PIK3AP1: variants seen among roughly 807,000 people sequenced by gnomAD.
The protein encoded by PIK3AP1 is phosphoinositide 3-kinase adapter protein 1.
In PIK3AP1, 21 loss-of-function variants were observed where a neutral mutation model predicts 88.1. The observed-to-expected ratio is 0.24, with a 90% CI of 0.17 to 0.34. PIK3AP1 has a LOEUF of 0.34. Ranked by LOEUF, PIK3AP1 falls within the 10% of genes least tolerant of loss-of-function variation. PIK3AP1 has a pLI of 1.00. For synonymous variants in PIK3AP1, 398 were observed against 400.0 expected (o/e 1.00, Z 0.06); for missense variants, 828 against 1,035.7 (o/e 0.80, Z 2.75).
Position 96,612,513 on chromosome 10 carries a change from A to G in PIK3AP1, c.2015-2646T>C, listed in dbSNP as rs189124006. On this transcript the variant is annotated intron_variant, in intron 13 of 16. Transcript: ENST00000339364. Reference sequence around the variant, plus strand: ...TAGAAAAGATCCTTTAAGCACAAACATTATTCATCAACCCTAATTTTCCTA... The same window carrying G: ...TAGAAAAGATCCTTTAAGCACAAACGTTATTCATCAACCCTAATTTTCCTA... 5.2e-4 allele frequency among the ~76,000 whole-genome samples: 79 copies of G among 152,324 alleles called. No homozygotes were observed. In the East Asian group the frequency reaches 0.015, roughly 28 times the overall value.
chr10:96,702,614 CCACACACACA>C (rs3035892), intron 2 of PIK3AP1, among the ~76,000 whole-genome samples: 10 of 145,078 alleles, frequency 6.9e-5, no homozygotes, highest in South Asian at 2.2e-4. Flanking sequence ...AGTGTTCTCA[CCACACACACA>C]CACACACACA....
chr10:96,652,459 G>A (rs956149540), intron 4 of PIK3AP1, among the ~76,000 whole-genome samples: 12 of 152,048 alleles, frequency 7.9e-5, no homozygotes, highest in African/African-American at 2.7e-4. Context: ...TGTAGTCCCA[G>A]CTACTTGGGA....
At chr10:96,659,445 C>T (rs954117923) in intron 2 of PIK3AP1, among the ~76,000 whole-genome samples, 2 of 152,108 alleles carry the variant, frequency 1.3e-5, no homozygotes, top group Admixed American at 1.3e-4. Context: ...TCAACAAAGA[C>T]AAATCCTTTA....
At chr10:96,682,765 C>T (rs140348249) in intron 2 of PIK3AP1, among the ~76,000 whole-genome samples, 169 of 152,322 alleles carry the variant, frequency 1.1e-3, no homozygotes, top group African/African-American at 3.8e-3. Context: ...TACATTCAAT[C>T]ATCACCATAG....
chr10:96,642,462 AAAAG>A (rs1554957094), intron 8 of PIK3AP1, among the ~76,000 whole-genome samples: 1 of 99,960 alleles, frequency 1.0e-5, no homozygotes, highest in Non-Finnish European at 2.3e-5. Flanking sequence ...AAGAAAGAAA[AAAAG>A]AGAAAGAAAG....
At chr10:96,682,279 AT>A (rs940177162) in intron 2 of PIK3AP1, among the ~76,000 whole-genome samples, 10 of 150,278 alleles carry the variant, frequency 6.7e-5, no homozygotes, top group African/African-American at 1.5e-4. Flanking sequence ...TCCTCTGCTG[AT>A]TTTTTTTTTC....
intron 3 of PIK3AP1, 119 bp from the exon 4 acceptor site, chr10:96,652,961 G>T: frequency 8.3e-7 from 1 of 1,203,200 alleles, no homozygotes; most frequent in Non-Finnish European, 1.2e-6. Context: ...TCTGGGGACA[G>T]GGTGGACTCA....
chr10:96,672,496 A>C (rs1359006809), intron 2 of PIK3AP1, among the ~76,000 whole-genome samples: 2 of 151,826 alleles, frequency 1.3e-5, no homozygotes, highest in African/African-American at 2.4e-5. Context: ...TTTATCCAGC[A>C]CTCCCCACTC....
intron 2 of PIK3AP1, among the ~76,000 whole-genome samples, chr10:96,689,408 C>CA (rs1210426100): frequency 4.0e-3 from 551 of 139,416 alleles, no homozygotes; most frequent in Non-Finnish European, 5.4e-3. Flanking sequence ...ACTAAAAATA[C>CA]AAAAAAAAAA....
intron 8 of PIK3AP1, among the ~76,000 whole-genome samples, chr10:96,644,934 G>A (rs1843438777): frequency 6.6e-6 from 1 of 152,058 alleles, no homozygotes; most frequent in Non-Finnish European, 1.5e-5. Context: ...CACCAAGACT[G>A]CAAACGTGTC....
chr10:96,656,879 G>A lies in PIK3AP1; in HGVS notation c.486C>T (p.Ser162=), dbSNP rs758192448. The part of the protein sequence containing the change: ...DTEPEDEKVV[S]YSKQQNLPTV... ...TCGGCAGGTTCTGCTGCTTCGAGTA[G>A]GAAACAACCTTCTCGTCCTCAGGCT... is the stretch of plus-strand genomic sequence containing the variant. The change falls in exon 3 of 17, where the codon TCC becomes TCT. Residue 162 remains serine, a synonymous_variant. Transcript: ENST00000339364. The A allele has an allele frequency of 5.0e-6, 8 of 1,614,042 alleles. No individual in the cohort carries two copies. The South Asian group carries it at 8.8e-5, about 18-fold the overall frequency.
intron 3 of PIK3AP1, 90 bp from the exon 4 acceptor site, chr10:96,652,932 G>C (rs963903277): frequency 7.0e-7 from 1 of 1,419,284 alleles, no homozygotes; most frequent in Non-Finnish European, 9.6e-7. Context: ...TCTTGCCCTA[G>C]CTCTACCTAG....
intron 14 of PIK3AP1, 23 bp downstream of exon 14, chr10:96,609,689 C>T (rs1849069561): frequency 1.2e-6 from 2 of 1,607,736 alleles, no homozygotes; most frequent in Non-Finnish European, 1.7e-6. Context: ...GAAGACCCCA[C>T]CCCCGCACCC....
chr10:96,704,824 C>A (rs1202999566), intron 2 of PIK3AP1, among the ~76,000 whole-genome samples: 3 of 152,072 alleles, frequency 2.0e-5, no homozygotes, highest in East Asian at 3.9e-4. Flanking sequence ...TCCTTCTGTG[C>A]ACATTAAAAT....
At position 96,603,703 on chromosome 10, in the gene PIK3AP1, CA is replaced by C. The variant is rs1229964789; in HGVS notation, c.2241+275del. The C allele has an allele frequency of 4.9e-3, 1,225 of 248,964 alleles. 15 individuals carry two copies. The highest frequency in any genetic ancestry group is 0.028 in the African/African-American group (1,097 of 39,528). The allele number at this position is 248,964 out of a possible 1,614,324, so 15.4% of individuals were successfully genotyped here. ...ACACACACACACACACACACACACA[CA>C]CACACACCACATATATATATATGTT... is the stretch of plus-strand genomic sequence containing the variant. On this transcript the variant is annotated intron_variant, in intron 15 of 16. Transcript: ENST00000339364.
intron 14 of PIK3AP1, among the ~76,000 whole-genome samples, chr10:96,609,081 C>T (rs1849058153): frequency 6.6e-6 from 1 of 152,346 alleles, no homozygotes; most frequent in South Asian, 2.1e-4. Context: ...AAAAGGAAGG[C>T]ATTTCCTAAT....
intron 7 of PIK3AP1, among the ~76,000 whole-genome samples, chr10:96,648,428 G>T (rs903345618): frequency 6.6e-6 from 1 of 152,162 alleles, no homozygotes; most frequent in African/African-American, 2.4e-5. Context: ...ACTGAGAGAG[G>T]ATACGTGACT....
intron 2 of PIK3AP1, among the ~76,000 whole-genome samples, chr10:96,703,641 C>G (rs2134285573): frequency 6.6e-6 from 1 of 152,280 alleles, no homozygotes; most frequent in South Asian, 2.1e-4. Flanking sequence ...CTGTGCTGTA[C>G]CTGGGGTTTT....
At chr10:96,615,467 G>A (rs940809390) in intron 13 of PIK3AP1, among the ~76,000 whole-genome samples, 5 of 152,224 alleles carry the variant, frequency 3.3e-5, no homozygotes, top group Admixed American at 3.3e-4. Flanking sequence ...GGCTGCAGCA[G>A]TGCCATAGGA....
Sources: gnomAD v4.1 joint callset for allele counts (sites outside exome capture counted in the v4.1 genomes callset) on GRCh38, gnomAD v4.1.1 for gene constraint, MANE v1.5 for transcripts, NCBI Gene and HGNC (gene_info 2026-07-23, HGNC 2026-07-21) for gene names.